SMAP1: variants seen among roughly 807,000 people sequenced by gnomAD.
SMAP1 encodes stromal membrane-associated protein 1.
In SMAP1, 24 loss-of-function variants were observed where a neutral mutation model predicts 58.5. The ratio of observed to expected loss-of-function variants is 0.41; its 90% confidence interval spans 0.30 to 0.58. The LOEUF (loss-of-function observed/expected upper bound fraction) is 0.58. Among genes scored for constraint, SMAP1 ranks in the 20% least tolerant of loss-of-function variants. The pLI is 0.29. For missense variants in SMAP1, 563 were observed against 566.3 expected, an observed-to-expected ratio of 0.99 and a Z score of 0.06; for synonymous variants, 216 against 196.6, an observed-to-expected ratio of 1.10 and a Z score of -0.82.
chr6:70,860,695 C>T lies in SMAP1; in HGVS notation c.*361C>T, dbSNP rs1771681606. On this transcript the variant is annotated 3_prime_UTR_variant, in exon 11 of 11. Transcript: ENST00000370455. ...TAGTAATACCTCTAATAGTATAAAC[C>T]CCACCCCAAAATTAGCCAGTAATCC... The T allele has an allele frequency of 2.5e-6, 1 of 402,728 alleles. No individual in the cohort carries two copies. Among genetic ancestry groups the T allele is most frequent in the Non-Finnish European group, 4.4e-6 (1 of 228,258 alleles). 24.9% of individuals were successfully genotyped at this position (402,728 alleles called of 1,614,324 possible).
intron 6 of SMAP1, among the ~76,000 whole-genome samples, chr6:70,825,746 T>TG (rs1236679143): frequency 6.6e-6 from 1 of 152,108 alleles, no homozygotes; most frequent in African/African-American, 2.4e-5. Context: ...CTTGTAAGAG[T>TG]GAAAGCAGGC....
At position 70,714,195 on chromosome 6, in the gene SMAP1, A is replaced by G. The variant is rs9446287; in HGVS notation, c.119-18183A>G. Among the ~76,000 whole-genome samples, 956 of 151,684 alleles carry G rather than the reference A, an allele frequency of 6.3e-3. 6 individuals are homozygous for G. The highest frequency in any genetic ancestry group is 0.022 in the African/African-American group (914 of 41,372). On this transcript the variant is annotated intron_variant, in intron 1 of 10. Coordinates refer to ENST00000370455, the MANE Select transcript of SMAP1 (RefSeq NM_001044305.3). The stretch of plus-strand genomic sequence containing the variant: ...TTTTTTAAATTCATTTAGCTGCTTT[A>G]TCTTTTTATTGGAGAGTTTAGTCCA...
intron 1 of SMAP1, among the ~76,000 whole-genome samples, chr6:70,702,698 G>T (rs1335961006): frequency 1.3e-5 from 2 of 149,852 alleles, no homozygotes; most frequent in Non-Finnish European, 3.0e-5. Flanking sequence ...GTTGAGTGGT[G>T]TGATCTCAGC....
chr6:70,677,432 C>CTTTT (rs58133069), intron 1 of SMAP1, among the ~76,000 whole-genome samples: 3 of 60,424 alleles, frequency 5.0e-5, no homozygotes, highest in Non-Finnish European at 8.3e-5. Context: ...CTTGTCACTT[C>CTTTT]TTTTTTTTTT....
chr6:70,684,094 A>G (rs1186027050), intron 1 of SMAP1, among the ~76,000 whole-genome samples: 2 of 152,256 alleles, frequency 1.3e-5, no homozygotes, highest in Admixed American at 6.5e-5. Context: ...ATAATTGGTT[A>G]TCAGAGTGAG....
intron 3 of SMAP1, among the ~76,000 whole-genome samples, chr6:70,767,383 G>A (rs1210250641): frequency 2.6e-5 from 4 of 152,162 alleles, no homozygotes; most frequent in Non-Finnish European, 5.9e-5. Flanking sequence ...CCATGAGCAT[G>A]GAATGTTCTT....
chr6:70,851,651 G>A lies in SMAP1; in HGVS notation c.665-889G>A, dbSNP rs529557672. ...CCTGGAGTGCTGTGCATGCAAACTCGACCTATAGCACTCCACTTCATCTCC... is the reference window on the plus strand; with the variant it reads ...CCTGGAGTGCTGTGCATGCAAACTCAACCTATAGCACTCCACTTCATCTCC... On this transcript the variant is annotated intron_variant, in intron 7 of 10. Transcript: ENST00000370455. Among the ~76,000 whole-genome samples the A allele has an allele frequency of 6.6e-5, 10 of 152,148 alleles. No individual in the cohort carries two copies. The East Asian group carries it at 1.2e-3, about 18-fold the overall frequency.
chr6:70,795,899 G>A lies in SMAP1; in HGVS notation c.496-2758G>A, dbSNP rs1447467036. ...ATTACAGGCGCCCGCCACCACGCCC[G>A]GCTAATTTTTGTATTTTTAATAGAG... On this transcript the variant is annotated intron_variant, in intron 5 of 10. Transcript: ENST00000370455. Among the ~76,000 whole-genome samples, 3 of 151,706 alleles carry A rather than the reference G, an allele frequency of 2.0e-5. No homozygotes were observed. In the South Asian group the frequency reaches 6.2e-4, roughly 32 times the overall value.
chr6:70,850,444 G>A (rs1012196192), intron 7 of SMAP1, among the ~76,000 whole-genome samples: 8 of 151,142 alleles, frequency 5.3e-5, no homozygotes, highest in Non-Finnish European at 7.4e-5. Flanking sequence ...GCTTGTCACC[G>A]TTTTTTTTCC....
In SMAP1 at chr6:70,675,198, GTTTTTTTTTTTTTTT is replaced by G. The variant is rs67744035; in HGVS notation, c.118+7069_118+7083del. Among the ~76,000 whole-genome samples, 9 of 109,960 alleles carry G rather than the reference GTTTTTTTTTTTTTTT, an allele frequency of 8.2e-5. No individual in the cohort carries two copies. In the East Asian group the frequency reaches 1.0e-3, roughly 12 times the overall value. The allele number at this position is 109,960 out of a possible 152,430, so 72.1% of individuals were successfully genotyped here. On this transcript the variant is annotated intron_variant, in intron 1 of 10. Coordinates refer to ENST00000370455, the MANE Select transcript of SMAP1 (RefSeq NM_001044305.3). ...CATATATACTCACAAATTATATAGT[GTTTTTTTTTTTTTTT>G]TTTTTTTTTTTACCAGAGATGATGT...
chr6:70,785,383 A>G (rs552675025), intron 4 of SMAP1, among the ~76,000 whole-genome samples: 3 of 152,354 alleles, frequency 2.0e-5, no homozygotes, highest in African/African-American at 7.2e-5. Flanking sequence ...TAATATCACA[A>G]TTAAAAGAAC....
chr6:70,836,037 G>A lies in SMAP1; in HGVS notation c.577-904G>A, dbSNP rs536682010. Among the ~76,000 whole-genome samples, 7 of 152,264 alleles carry A rather than the reference G, an allele frequency of 4.6e-5. No homozygotes were observed. The East Asian group carries it at 1.4e-3, about 29-fold the overall frequency. On this transcript the variant is annotated intron_variant, in intron 6 of 10. Coordinates refer to ENST00000370455, the MANE Select transcript of SMAP1 (RefSeq NM_001044305.3). ...AATACCATTTCATTAGGCTTTTCCT[G>A]GCAGTTGTGTCTCATGTATCATACA...
At chr6:70,694,032 A>C (rs1767296976) in intron 1 of SMAP1, 2 of 178,174 alleles carry the variant, frequency 1.1e-5, no homozygotes, top group Non-Finnish European at 2.3e-5. Flanking sequence ...TTCTTACCCT[A>C]ATCTAAATGA....
intron 3 of SMAP1, among the ~76,000 whole-genome samples, chr6:70,755,682 T>C (rs1485731165): frequency 6.6e-6 from 1 of 152,030 alleles, no homozygotes; most frequent in Admixed American, 6.6e-5. Flanking sequence ...AAGTGTAAAA[T>C]GTTATGACTG....
intron 1 of SMAP1, among the ~76,000 whole-genome samples, chr6:70,686,375 G>A (rs1425989784): frequency 6.6e-6 from 1 of 152,142 alleles, no homozygotes; most frequent in Non-Finnish European, 1.5e-5. Flanking sequence ...TGTGGTCTGT[G>A]AAGAAAATTG....
intron 1 of SMAP1, among the ~76,000 whole-genome samples, chr6:70,671,219 T>C (rs1231852835): frequency 6.6e-6 from 1 of 152,102 alleles, no homozygotes; most frequent in Non-Finnish European, 1.5e-5. Context: ...TTTCACATGC[T>C]CTGAATAGGG....
rs184194730 is a variant in SMAP1 at position 70,770,043 on chromosome 6, T to G, written c.339-3307T>G. 2.0e-3 allele frequency among the ~76,000 whole-genome samples: 308 copies of G among 151,648 alleles called. 9 individuals carry two copies. The highest frequency in any genetic ancestry group is 6.1e-3 in the African/African-American group (251 of 40,928). ...GTTTGGCTGGATATGAAATTCTGGC[T>G]TGAAAATTCTTTTAAGAATGTTGAA... On this transcript the variant is annotated intron_variant, in intron 3 of 10. Coordinates refer to ENST00000370455, the MANE Select transcript of SMAP1 (RefSeq NM_001044305.3).
chr6:70,839,498 ACT>A (rs554724162), intron 7 of SMAP1, among the ~76,000 whole-genome samples: 1 of 151,648 alleles, frequency 6.6e-6, no homozygotes, highest in Non-Finnish European at 1.5e-5. Flanking sequence ...CTGGGATGTC[ACT>A]CTTTTGGACA....
intron 6 of SMAP1, among the ~76,000 whole-genome samples, chr6:70,828,479 A>C (rs1243975653): frequency 6.6e-6 from 1 of 152,198 alleles, no homozygotes; most frequent in Non-Finnish European, 1.5e-5. Flanking sequence ...TATTGCTCTG[A>C]CCACATCACA....
Sources: gnomAD v4.1 joint callset for allele counts (sites outside exome capture counted in the v4.1 genomes callset) on GRCh38, gnomAD v4.1.1 for gene constraint, MANE v1.5 for transcripts, NCBI Gene and HGNC (gene_info 2026-07-23, HGNC 2026-07-21) for gene names.